Variants in ABLIM1 observed in about 807,000 individuals in gnomAD.
The protein encoded by ABLIM1 is actin binding LIM protein 1.
ABLIM1 carries 40 observed loss-of-function variants against 107.0 expected under a neutral mutation model. The ratio of observed to expected loss-of-function variants is 0.37; its 90% CI spans 0.29 to 0.49. ABLIM1 has a LOEUF of 0.49. Among genes scored for constraint, ABLIM1 ranks in the 20% least tolerant of loss-of-function variants. ABLIM1 has a pLI of 0.97. For synonymous variants in ABLIM1, 357 were observed against 357.3 expected, an observed-to-expected ratio of 1.00 and a Z score of 0.01; for missense variants, 857 against 1,008.5, an observed-to-expected ratio of 0.85 and a Z score of 2.04.
chr10:114,491,538 C>T (rs951017032), intron 7 of ABLIM1, among the ~76,000 whole-genome samples: 6 of 152,116 alleles, frequency 3.9e-5, no homozygotes, highest in Admixed American at 6.6e-5. Context: ...CATCAAATGT[C>T]GAGTTCCATT....
intron 12 of ABLIM1, 110 bp downstream of exon 12, chr10:114,465,588 G>A: frequency 7.2e-7 from 1 of 1,391,856 alleles, no homozygotes; most frequent in East Asian, 2.4e-5. Context: ...TCTGGGAGAG[G>A]GATGGAAATG....
intron 4 of ABLIM1, among the ~76,000 whole-genome samples, chr10:114,569,517 A>G (rs2071335082): frequency 6.6e-6 from 1 of 151,976 alleles, no homozygotes; most frequent in Non-Finnish European, 1.5e-5. Flanking sequence ...ATGGGGTTTC[A>G]ACATGTTGGA....
chr10:114,770,639 T>C (rs1435596152), upstream of ABLIM1, among the ~76,000 whole-genome samples: 1 of 152,224 alleles, frequency 6.6e-6, no homozygotes, highest in African/African-American at 2.4e-5. Flanking sequence ...CTGTTTTTAC[T>C]TAACACACTG....
rs531562774 is a variant in ABLIM1, at chr10:114,712,302, G to A, written c.-213+55759C>T. On this transcript the variant is annotated intron_variant, in intron 1 of 15. Coordinates refer to the ABLIM1 transcript ENST00000651092. The stretch of plus-strand genomic sequence containing the variant: ...CGGGAGGCAGGGGCTGCAATGAGCC[G>A]AGATCACGCCACTGCACTCCAGCCT... Among the ~76,000 whole-genome samples the A allele has an allele frequency of 2.8e-4, 38 of 138,140 alleles. No homozygotes were observed. The South Asian group carries it at 4.3e-3, about 16-fold the overall frequency. 90.6% of individuals were successfully genotyped at this position (138,140 alleles called of 152,430 possible).
At chr10:114,699,877 A>G (rs1372996040) in intron 1 of ABLIM1, among the ~76,000 whole-genome samples, 2 of 152,230 alleles carry the variant, frequency 1.3e-5, no homozygotes, top group African/African-American at 2.4e-5. Flanking sequence ...ATTGGTGTCA[A>G]TATACTGGTT....
At chr10:114,799,682 A>C in the ABLIM1 span, among the ~76,000 whole-genome samples, 1 of 152,112 alleles carries the variant, frequency 6.6e-6, no homozygotes, top group Non-Finnish European at 1.5e-5. Context: ...AGCCACCATC[A>C]CTTCTTACTG....
intron 1 of ABLIM1, among the ~76,000 whole-genome samples, chr10:114,623,070 C>A (rs1362279165): frequency 6.6e-6 from 1 of 152,196 alleles, no homozygotes; most frequent in Non-Finnish European, 1.5e-5. Context: ...AGCCATCCTC[C>A]CACCTCAGCT....
rs543612007 is a variant in ABLIM1 at position 114,608,706 on chromosome 10, A to C, written c.245-6745T>G. 4.6e-5 allele frequency among the ~76,000 whole-genome samples: 7 copies of C among 151,832 alleles called. No homozygotes were observed. The South Asian group carries it at 1.5e-3, about 32-fold the overall frequency. ...AAATAAACAAACAAACAAACAAAAT[A>C]AAGCTTATTTTAAAAAGAAAAACAA... On this transcript the variant is annotated intron_variant, in intron 1 of 22. Coordinates refer to ENST00000533213, the MANE Select transcript of ABLIM1 (RefSeq NM_002313.7).
At chr10:114,597,265 TA>T (rs1208803392) in intron 2 of ABLIM1, among the ~76,000 whole-genome samples, 2 of 152,134 alleles carry the variant, frequency 1.3e-5, no homozygotes, top group African/African-American at 2.4e-5. Context: ...GTAAAGACGC[TA>T]AGGAAATTCA....
At chr10:114,775,712 A>C in the ABLIM1 span, among the ~76,000 whole-genome samples, 1 of 152,210 alleles carries the variant, frequency 6.6e-6, no homozygotes, top group Non-Finnish European at 1.5e-5. Flanking sequence ...TAAATTCTTA[A>C]GTGACAAGCA....
intron 7 of ABLIM1, among the ~76,000 whole-genome samples, chr10:114,489,821 G>A (rs7899354): frequency 0.27 from 41,631 of 152,144 alleles, 5,965 homozygotes; most frequent in Middle Eastern, 0.35. Context: ...AAGATGTGCC[G>A]AGAGGGCACA....
At chr10:114,724,970 G>A (rs2081926882) in intron 1 of ABLIM1, among the ~76,000 whole-genome samples, 1 of 152,122 alleles carries the variant, frequency 6.6e-6, no homozygotes, top group African/African-American at 2.4e-5. Flanking sequence ...TCAATTAAAA[G>A]AATTAATTTA....
chr10:114,583,466 CACATATATATATATATATATAT>C (rs2073819241), intron 2 of ABLIM1, among the ~76,000 whole-genome samples: 3 of 7,082 alleles, frequency 4.2e-4, no homozygotes, highest in Non-Finnish European at 5.5e-4. Context: ...CACACACACA[CACATATATATATATATATATAT>C]ATATATATAT....
At chr10:114,797,352 A>G in the ABLIM1 span, among the ~76,000 whole-genome samples, 2 of 152,204 alleles carry the variant, frequency 1.3e-5, no homozygotes, top group African/African-American at 2.4e-5. Context: ...CTATCTTTCT[A>G]TTACCTACAA....
chr10:114,465,984 T>C (rs113416194), intron 11 of ABLIM1, among the ~76,000 whole-genome samples, 157 bp from the exon 12 acceptor site: 355 of 152,368 alleles, frequency 2.3e-3, no homozygotes, highest in African/African-American at 8.0e-3. Flanking sequence ...GTATTTTATA[T>C]GCAAATAAGC....
intron 20 of ABLIM1, chr10:114,439,641 G>A (rs2059918481): frequency 5.5e-6 from 2 of 365,320 alleles, no homozygotes; most frequent in African/African-American, 4.2e-5. Flanking sequence ...TAACAAGATT[G>A]AGGTTCTAGT....
At chr10:114,665,524 C>G (rs2079990262) in intron 1 of ABLIM1, among the ~76,000 whole-genome samples, 1 of 152,202 alleles carries the variant, frequency 6.6e-6, no homozygotes, top group African/African-American at 2.4e-5. Context: ...GAAAGAAAAA[C>G]CTATCCTTCC....
chr10:114,709,360 T>C (rs2081494718), intron 1 of ABLIM1, among the ~76,000 whole-genome samples: 1 of 152,170 alleles, frequency 6.6e-6, no homozygotes, highest in African/African-American at 2.4e-5. Flanking sequence ...CTTCCAGCCA[T>C]CAGACCTGTA....
chr10:114,563,614 C>G (rs903759941), intron 4 of ABLIM1, among the ~76,000 whole-genome samples: 24 of 151,684 alleles, frequency 1.6e-4, no homozygotes, highest in African/African-American at 5.6e-4. Flanking sequence ...GTGGGTCGAT[C>G]ATTTGAGGTC....
Sources: allele counts gnomAD v4.1 joint callset (sites outside exome capture counted in the v4.1 genomes callset), GRCh38; gene constraint gnomAD v4.1.1; transcripts MANE v1.5; gene names NCBI Gene and HGNC (gene_info 2026-07-23, HGNC 2026-07-21).